Variants in ABCG1 observed in about 807,000 individuals in gnomAD.
The protein encoded by ABCG1 is ATP-binding cassette sub-family G member 1.
A neutral mutation model predicts 69.2 loss-of-function variants in ABCG1; 29 were observed. The ratio of observed to expected loss-of-function variants is 0.42; its 90% CI spans 0.31 to 0.57. The LOEUF (loss-of-function observed/expected upper bound fraction) is 0.57. Among genes scored for constraint, ABCG1 ranks in the 20% least tolerant of loss-of-function variants. The probability of loss-of-function intolerance (pLI) is 0.15; values close to 1 mark genes in which losing one functional copy is unlikely to be tolerated. For synonymous variants in ABCG1, 370 were observed against 374.8 expected (o/e 0.99, Z 0.15); for missense variants, 718 against 898.1 (o/e 0.80, Z 2.56).
intron 2 of ABCG1, chr21:42,206,909 T>C (rs577728825): frequency 2.1e-5 from 3 of 142,850 alleles, no homozygotes; most frequent in East Asian, 1.9e-4. Flanking sequence ...TAAAAAATGT[T>C]GTGCTAATTC....
intron 5 of ABCG1, among the ~76,000 whole-genome samples, chr21:42,279,439 G>A (rs925942682): frequency 4.6e-5 from 7 of 152,130 alleles, no homozygotes; most frequent in Non-Finnish European, 1.0e-4. Context: ...CTGAGCACAC[G>A]GGGGAGCCCT....
At chr21:42,243,243 C>T (rs554438171) in intron 2 of ABCG1, among the ~76,000 whole-genome samples, 5 of 152,192 alleles carry the variant, frequency 3.3e-5, no homozygotes, top group East Asian at 3.9e-4. Flanking sequence ...GTGGGGAGCC[C>T]GTCGGCCCCT....
chr21:42,276,826 C>T lies in ABCG1; in HGVS notation c.538-69C>T, dbSNP rs188000057. ...GCTAGCTGCACCGTGGCCTGCAGTG[C>T]GGGCATGAGGCTCACACTGCCAGTG... On this transcript the variant is annotated intron_variant, in intron 4 of 14. Transcript: ENST00000398449. The surrounding 1 kb of genome is among the most constrained non-coding windows in gnomAD (Gnocchi z 5.3). The T allele has an allele frequency of 1.9e-4, 286 of 1,527,620 alleles. No individual in the cohort carries two copies. The highest frequency in any genetic ancestry group is 3.9e-4 in the Middle Eastern group (2 of 5,166). 94.6% of individuals were successfully genotyped at this position (1,527,620 alleles called of 1,614,324 possible). A position where few individuals can be genotyped will look rare whatever the true frequency, so the allele number is the denominator to read the frequency against.
intron 1 of ABCG1, among the ~76,000 whole-genome samples, chr21:42,221,521 C>T (rs1328901604): frequency 6.6e-6 from 1 of 152,150 alleles, no homozygotes; most frequent in African/African-American, 2.4e-5. Flanking sequence ...GTGGCAAATG[C>T]GTCCAGTGGG....
In ABCG1 at chr21:42,219,447, G is replaced by A; in HGVS notation, c.42+143G>A. On this transcript the variant is annotated intron_variant, in intron 1 of 14. Transcript: ENST00000398449. The surrounding 1 kb of genome is among the most constrained non-coding windows in gnomAD (Gnocchi z 5.3). ...CTGACCCAGGGCACCCTAGAGTGGC[G>A]CCCGGCTCCGATCGCTGCCCCTGCC... is the stretch of plus-strand genomic sequence containing the variant. 1.7e-6 allele frequency: 2 copies of A among 1,209,924 alleles called. No homozygotes were observed. The highest frequency in any genetic ancestry group is 2.2e-6 in the Non-Finnish European group (2 of 903,494). 74.9% of individuals were successfully genotyped at this position (1,209,924 alleles called of 1,614,324 possible).
chr21:42,200,150 C>T (rs1046891690), intron 1 of ABCG1, among the ~76,000 whole-genome samples: 23 of 152,160 alleles, frequency 1.5e-4, no homozygotes, highest in African/African-American at 5.5e-4. Flanking sequence ...ATCCTGCACT[C>T]GGTTTCTGTG....
At chr21:42,270,618 T>C (rs1237931354) in intron 2 of ABCG1, among the ~76,000 whole-genome samples, 1 of 152,216 alleles carries the variant, frequency 6.6e-6, no homozygotes, top group Non-Finnish European at 1.5e-5. Flanking sequence ...GTAGATGCAG[T>C]AAGTGAATTA....
At chr21:42,247,746 G>A (rs225371) in intron 2 of ABCG1, among the ~76,000 whole-genome samples, 5,745 of 152,294 alleles carry the variant, frequency 0.038, 362 homozygotes, top group African/African-American at 0.13. Context: ...CAAAATCCAA[G>A]GACATGATCT....
chr21:42,259,270 A>G (rs1366015555), intron 2 of ABCG1: 3 of 1,507,952 alleles, frequency 2.0e-6, no homozygotes, highest in Non-Finnish European at 2.7e-6. Context: ...TGGAGACCAG[A>G]TCTGTGCTCT....
intron 2 of ABCG1, among the ~76,000 whole-genome samples, chr21:42,251,914 A>C (rs1235643513): frequency 1.3e-5 from 2 of 152,234 alleles, no homozygotes; most frequent in Non-Finnish European, 2.9e-5. Flanking sequence ...CAAGGCTTGC[A>C]TGTGGCATCA....
At chr21:42,259,269 G>T (rs1031380617) in intron 2 of ABCG1, 2 of 1,506,570 alleles carry the variant, frequency 1.3e-6, no homozygotes, top group African/African-American at 1.4e-5. Flanking sequence ...CTGGAGACCA[G>T]ATCTGTGCTC....
intron 5 of ABCG1, among the ~76,000 whole-genome samples, chr21:42,279,654 TC>T (rs752199248): frequency 5.9e-5 from 9 of 152,216 alleles, no homozygotes; most frequent in Admixed American, 5.9e-4. Context: ...TGGGATTGCT[TC>T]CCTGCAGCAT....
chr21:42,259,591 G>A (rs530023404), intron 2 of ABCG1: 34 of 1,459,938 alleles, frequency 2.3e-5, no homozygotes, highest in Middle Eastern at 2.5e-4. Context: ...CCTCTGCGGA[G>A]CTGGCCATTA....
At chr21:42,204,468 T>C (rs1342373657) in intron 2 of ABCG1, among the ~76,000 whole-genome samples, 1 of 152,256 alleles carries the variant, frequency 6.6e-6, no homozygotes, top group African/African-American at 2.4e-5. Context: ...TTTTGTCAAG[T>C]GCTTTTTCTG....
chr21:42,215,749 G>T (rs1409575350), upstream of ABCG1, among the ~76,000 whole-genome samples: 1 of 152,262 alleles, frequency 6.6e-6, no homozygotes, highest in Non-Finnish European at 1.5e-5. Context: ...GGTCTGGAAA[G>T]AATGTTGTTG....
intron 6 of ABCG1, among the ~76,000 whole-genome samples, chr21:42,282,987 C>A (rs975614944): frequency 6.6e-6 from 1 of 152,168 alleles, no homozygotes; most frequent in South Asian, 2.1e-4. Context: ...GGGCTCCCTG[C>A]GGAATCACTA....
At position 42,294,107 on chromosome 21, in the gene ABCG1, C is replaced by T. The variant is rs556451643; in HGVS notation, c.1654-435C>T. Among the ~76,000 whole-genome samples, 4 of 152,314 alleles carry T rather than the reference C, an allele frequency of 2.6e-5. No individual in the cohort carries two copies. The East Asian group carries it at 7.7e-4, about 29-fold the overall frequency. On this transcript the variant is annotated intron_variant, in intron 13 of 14. Coordinates refer to ENST00000398449, the MANE Select transcript of ABCG1 (RefSeq NM_016818.3). The stretch of plus-strand genomic sequence containing the variant: ...TGGGCTGCCCTCCCGGAGGTGCTGA[C>T]AGGCAGGCGTCCATCCCGCCTGTGA...
chr21:42,214,125 G>A (rs1198107711), upstream of ABCG1, among the ~76,000 whole-genome samples: 2 of 152,212 alleles, frequency 1.3e-5, no homozygotes, highest in African/African-American at 4.8e-5. Context: ...AAATTTATTT[G>A]TTGGGACTTA....
intron 2 of ABCG1, among the ~76,000 whole-genome samples, chr21:42,243,856 T>C (rs1016231124): frequency 7.0e-6 from 1 of 143,864 alleles, no homozygotes; most frequent in African/African-American, 2.6e-5. Flanking sequence ...TCTCACTCTG[T>C]CGCCCAGGCT....
Sources: allele counts gnomAD v4.1 joint callset (sites outside exome capture counted in the v4.1 genomes callset), GRCh38; gene constraint gnomAD v4.1.1; non-coding constraint Gnocchi (gnomAD v3.1); transcripts MANE v1.5; gene names NCBI Gene and HGNC (gene_info 2026-07-23, HGNC 2026-07-21).